The following RPS6KA2 variants were observed in gnomAD, a reference collection of about 807,000 sequenced individuals.
RPS6KA2 encodes the protein ribosomal protein S6 kinase alpha-2.
In RPS6KA2, 42 loss-of-function variants were observed where a neutral mutation model predicts 91.8. The observed-to-expected ratio is 0.46, with a 90% CI of 0.36 to 0.59. The LOEUF (loss-of-function observed/expected upper bound fraction) is 0.59, where lower values mean the gene tolerates loss of function less well. Ranked by LOEUF, RPS6KA2 falls within the 20% of genes least tolerant of loss-of-function variation. The pLI, the probability that RPS6KA2 is intolerant of heterozygous loss-of-function variation, is 0.00. For missense variants in RPS6KA2, 798 were observed against 978.5 expected (o/e 0.82, Z 2.46); for synonymous variants, 414 against 393.6 (o/e 1.05, Z -0.61).
intron 2 of RPS6KA2, among the ~76,000 whole-genome samples, chr6:166,800,438 ACG>A (rs1351318080): frequency 2.0e-5 from 3 of 152,296 alleles, no homozygotes; most frequent in Admixed American, 6.5e-5. Context: ...TGGAACACAA[ACG>A]TCAGCATGAC....
chr6:166,614,845 T>C (rs1327316300), intron 1 of RPS6KA2, among the ~76,000 whole-genome samples: 1 of 152,184 alleles, frequency 6.6e-6, no homozygotes, highest in African/African-American at 2.4e-5. Context: ...AGGACTCTTG[T>C]GATTACATTT....
intron 2 of RPS6KA2, among the ~76,000 whole-genome samples, chr6:166,727,654 G>A (rs896337418): frequency 1.3e-5 from 2 of 151,922 alleles, no homozygotes; most frequent in South Asian, 4.2e-4. Context: ...ACACCCTCAG[G>A]TATCAGCGCC....
chr6:166,667,596 A>G lies in RPS6KA2; in HGVS notation c.124-128812T>C, dbSNP rs1000531998. On this transcript the variant is annotated intron_variant, in intron 2 of 21. Transcript: ENST00000503859. The stretch of plus-strand genomic sequence containing the variant: ...GTCACAGGAAAGCAGTTTCTCATAG[A>G]TATCAGCTTTCAAACTTTCTACACC... Among the ~76,000 whole-genome samples the G allele has an allele frequency of 1.2e-4, 19 of 152,336 alleles. No homozygotes were observed. The East Asian group carries it at 3.5e-3, about 28-fold the overall frequency.
intron 2 of RPS6KA2, among the ~76,000 whole-genome samples, chr6:166,814,362 T>G (rs367805281): frequency 1.1e-4 from 16 of 152,252 alleles, no homozygotes; most frequent in African/African-American, 3.9e-4. Flanking sequence ...GTCATTCTTA[T>G]TCACTGAAGT....
At position 166,849,924 on chromosome 6, in the gene RPS6KA2, C is replaced by T. The variant is rs942171866; in HGVS notation, c.123+8276G>A. On this transcript the variant is annotated intron_variant, in intron 2 of 21. Coordinates refer to the RPS6KA2 transcript ENST00000503859. This position sits in a 1 kb window ranked among gnomAD's most constrained non-coding sequence, Gnocchi z 4.9. ...CTCATGCCTGGCTCCGCTGTGCCCA[C>T]GGGGCCTCCACCAGAGAAGTGTGAG... Among the ~76,000 whole-genome samples the T allele has an allele frequency of 3.3e-5, 5 of 152,108 alleles. No individual in the cohort carries two copies. The highest frequency in any genetic ancestry group is 5.9e-5 in the Non-Finnish European group (4 of 68,012).
rs776598020 is a variant in RPS6KA2, at chr6:166,412,835, C to G, written c.2129G>C (p.Arg710Pro). 1.9e-6 allele frequency: 3 copies of G among 1,575,538 alleles called. No individual in the cohort carries two copies. The South Asian group carries it at 3.5e-5, about 18-fold the overall frequency. ...GTTGGATGACAGCACGGGCTCCAGCCGCGGGGCCTGAGGTGTTCTGTTTAG... is the reference window on the plus strand; with the variant it reads ...GTTGGATGACAGCACGGGCTCCAGCGGCGGGGCCTGAGGTGTTCTGTTTAG... Reference protein sequence around the residue: ...FALNRTPQAPRLEPVLSSNLA... With the variant: ...FALNRTPQAPPLEPVLSSNLA... Residue 710 changes from arginine to proline, a missense_variant, in exon 21 of 21, where the codon CGG becomes CCG. Physicochemically the swap from Arg to Pro is moderately radical, Grantham distance 103. Transcript: ENST00000265678. The surrounding 1 kb of genome is among the most constrained non-coding windows in gnomAD (Gnocchi z 4.3).
chr6:166,650,423 G>A (rs1254418875), intron 2 of RPS6KA2, among the ~76,000 whole-genome samples: 4 of 151,994 alleles, frequency 2.6e-5, no homozygotes, highest in East Asian at 1.9e-4. Flanking sequence ...CTCTTTTCAC[G>A]GCCATCACTT....
chr6:166,591,259 G>A lies in RPS6KA2; in HGVS notation c.99+35662C>T, dbSNP rs535562840. ...CGGAAAGATGTTACCATCATTCAACGCGACCAACAGTGCCACACTGGAGTG... is the reference window on the plus strand; with the variant it reads ...CGGAAAGATGTTACCATCATTCAACACGACCAACAGTGCCACACTGGAGTG... On this transcript the variant is annotated intron_variant, in intron 1 of 20. Coordinates refer to ENST00000265678, the MANE Select transcript of RPS6KA2 (RefSeq NM_021135.6). Among the ~76,000 whole-genome samples, 15 of 152,254 alleles carry A rather than the reference G, an allele frequency of 9.9e-5. No individual in the cohort carries two copies. The East Asian group carries it at 2.1e-3, about 22-fold the overall frequency.
intron 2 of RPS6KA2, among the ~76,000 whole-genome samples, chr6:166,687,645 T>G (rs1469181452): frequency 1.3e-5 from 2 of 152,254 alleles, no homozygotes; most frequent in East Asian, 3.8e-4. Flanking sequence ...AGGAATCCAG[T>G]CATTTTAATT....
intron 10 of RPS6KA2, 120 bp from the exon 11 acceptor site, chr6:166,470,025 GAGGCTGCTCACTCCTGCCCA>G: frequency 1.1e-6 from 1 of 882,118 alleles, no homozygotes; most frequent in South Asian, 1.4e-5. Context: ...AAGGAGCCCA[GAGGCTGCTCACTCCTGCCCA>G]AGGCACCTGC....
At chr6:166,541,070 G>A (rs768659955) in intron 1 of RPS6KA2, among the ~76,000 whole-genome samples, 2 of 152,152 alleles carry the variant, frequency 1.3e-5, no homozygotes, top group African/African-American at 2.4e-5. Flanking sequence ...ACTAGCACGC[G>A]CATGAGTCAT....
In RPS6KA2 at chr6:166,437,435, T is replaced by C. The variant is rs559679719; in HGVS notation, c.1333-4945A>G. ...CTCCAGGCTGACGCTCAAATAATGCTGACGCGCCACGGAGTAGGAGTGGTG... is the reference window on the plus strand; with the variant it reads ...CTCCAGGCTGACGCTCAAATAATGCCGACGCGCCACGGAGTAGGAGTGGTG... On this transcript the variant is annotated intron_variant, in intron 14 of 20. Coordinates refer to ENST00000265678, the MANE Select transcript of RPS6KA2 (RefSeq NM_021135.6). This position sits in a 1 kb window ranked among gnomAD's most constrained non-coding sequence, Gnocchi z 4.3. Among the ~76,000 whole-genome samples, 5 of 152,342 alleles carry C rather than the reference T, an allele frequency of 3.3e-5. No individual in the cohort carries two copies. Among genetic ancestry groups the C allele is most frequent in the Non-Finnish European group, 4.4e-5 (3 of 68,022 alleles).
At chr6:166,480,791 A>G (rs1673661533) in intron 10 of RPS6KA2, among the ~76,000 whole-genome samples, 1 of 151,958 alleles carries the variant, frequency 6.6e-6, no homozygotes, top group South Asian at 2.1e-4. Flanking sequence ...CTGGGATTAC[A>G]GGCGTACACC....
chr6:166,660,818 T>C (rs1420644796), intron 2 of RPS6KA2, among the ~76,000 whole-genome samples: 1 of 152,172 alleles, frequency 6.6e-6, no homozygotes, highest in African/African-American at 2.4e-5. Context: ...ATGGTTTGAC[T>C]ACTCCCCCAT....
At chr6:166,451,584 A>G (rs1779919587) in intron 12 of RPS6KA2, among the ~76,000 whole-genome samples, 1 of 152,230 alleles carries the variant, frequency 6.6e-6, no homozygotes, top group Non-Finnish European at 1.5e-5. Context: ...TACCCACTCC[A>G]GACTCAGTTA....
intron 2 of RPS6KA2, among the ~76,000 whole-genome samples, chr6:166,754,860 G>A (rs1777960623): frequency 6.6e-6 from 1 of 152,188 alleles, no homozygotes; most frequent in African/African-American, 2.4e-5. Flanking sequence ...GCTCTGAGAT[G>A]GGTGCCCAGG....
intron 2 of RPS6KA2, among the ~76,000 whole-genome samples, chr6:166,823,881 G>A (rs1200597239): frequency 1.3e-5 from 2 of 152,302 alleles, no homozygotes; most frequent in East Asian, 3.9e-4. Context: ...GGAAGACATA[G>A]AGCTTCTCTG....
chr6:166,770,810 A>G lies in RPS6KA2; in HGVS notation c.123+87390T>C. The G allele has an allele frequency of 1.3e-6, 2 of 1,501,172 alleles. No individual in the cohort carries two copies. Among genetic ancestry groups the G allele is most frequent in the Non-Finnish European group, 1.8e-6 (2 of 1,118,896 alleles). The allele number at this position is 1,501,172 out of a possible 1,614,324, so 93.0% of individuals were successfully genotyped here. A position where few individuals can be genotyped will look rare whatever the true frequency, so the allele number is the denominator to read the frequency against. On this transcript the variant is annotated intron_variant, in intron 2 of 21. Coordinates refer to the RPS6KA2 transcript ENST00000503859. This position sits in a 1 kb window ranked among gnomAD's most constrained non-coding sequence, Gnocchi z 5.1. ...GACTTCATGTTTAACTTAAAAAAAA[A>G]ATGTAACTCACATAAGCATGGAAAA...
At chr6:166,775,542 T>C (rs1778592283) in intron 2 of RPS6KA2, among the ~76,000 whole-genome samples, 2 of 152,180 alleles carry the variant, frequency 1.3e-5, no homozygotes, top group Non-Finnish European at 2.9e-5. Context: ...AGGGTCCACG[T>C]TGTAGGAAGG....
Sources: allele counts gnomAD v4.1 joint callset (sites outside exome capture counted in the v4.1 genomes callset), GRCh38; gene constraint gnomAD v4.1.1; non-coding constraint Gnocchi (gnomAD v3.1); transcripts MANE v1.5; gene names NCBI Gene and HGNC (gene_info 2026-07-23, HGNC 2026-07-21).